Variants in CEP164 observed in about 807,000 individuals in gnomAD.
The protein encoded by CEP164 is centrosomal protein 164.
CEP164 carries 162 observed loss-of-function variants against 182.7 expected under a neutral mutation model. The observed-to-expected ratio is 0.89, with a 90% confidence interval of 0.78 to 1.01. The LOEUF (loss-of-function observed/expected upper bound fraction) is 1.01, where lower values mean the gene tolerates loss of function less well. CEP164 is among the 50% of genes least tolerant of loss of function. The probability of loss-of-function intolerance (pLI) is 0.00; values close to 1 mark genes in which losing one functional copy is unlikely to be tolerated. For missense variants in CEP164, 1,735 were observed against 1,790.4 expected (o/e 0.97, Z 0.56); for synonymous variants, 661 against 690.0 (o/e 0.96, Z 0.66).
rs767096820 is a variant in CEP164 at position 117,409,035 on chromosome 11, G to C, written c.3748+7G>C. On this transcript the variant is annotated splice_region_variant and intron_variant, in intron 29 of 32. Coordinates refer to ENST00000278935, the MANE Select transcript of CEP164 (RefSeq NM_014956.5). The surrounding 1 kb of genome is among the most constrained non-coding windows in gnomAD (Gnocchi z 4.4). Reference sequence around the variant, plus strand: ...TGGTGGCGGCAGCAGAGGAGTGAGTGGGGGAGATGCGGGGTGAGGACCATG... The same window carrying C: ...TGGTGGCGGCAGCAGAGGAGTGAGTCGGGGAGATGCGGGGTGAGGACCATG... 19 of 1,613,824 alleles carry C rather than the reference G, an allele frequency of 1.2e-5. No individual in the cohort carries two copies. Among genetic ancestry groups the C allele is most frequent in the Middle Eastern group, 1.6e-4 (1 of 6,082 alleles).
chr11:117,412,555 G>T lies in CEP164; in HGVS notation c.*387G>T. On this transcript the variant is annotated 3_prime_UTR_variant, in exon 33 of 33. Transcript: ENST00000278935. ...CAGCGCACTGCTCGGGGCTCCCAAG[G>T]AGGTTGTGTGTATGGTTCTTAATTC... 5.3e-6 allele frequency: 1 copy of T among 187,858 alleles called. No individual in the cohort carries two copies. The highest frequency in any genetic ancestry group is 1.1e-4 in the South Asian group (1 of 8,910). 11.6% of individuals were successfully genotyped at this position (187,858 alleles called of 1,614,324 possible).
chr11:117,362,040 T>C (rs779165404), intron 6 of CEP164, 47 bp downstream of exon 6: 1 of 1,497,200 alleles, frequency 6.7e-7, no homozygotes, highest in Non-Finnish European at 9.0e-7. Context: ...CTGTGGGGCC[T>C]CCCGTGTGCC....
intron 9 of CEP164, 48 bp downstream of exon 9, chr11:117,371,514 G>A: frequency 8.4e-6 from 13 of 1,552,544 alleles, no homozygotes; most frequent in Non-Finnish European, 1.1e-5. Context: ...GCCCTCTGCT[G>A]CTCTGTTCAG....
chr11:117,336,571 G>T, intron 2 of CEP164: 1 of 1,526,432 alleles, frequency 6.6e-7, no homozygotes, highest in Admixed American at 1.8e-5. Flanking sequence ...GGAACCTCCA[G>T]GGCACCCAGT....
chr11:117,396,211 G>A, intron 25 of CEP164, 31 bp downstream of exon 25: 2 of 1,472,736 alleles, frequency 1.4e-6, no homozygotes, highest in Non-Finnish European at 1.9e-6. Context: ...TGGGGGCTGG[G>A]GCACCAGGAT....
intron 5 of CEP164, chr11:117,354,859 A>G: frequency 1.7e-6 from 2 of 1,166,054 alleles, no homozygotes; most frequent in Non-Finnish European, 2.2e-6. Flanking sequence ...GGGCTTGCCC[A>G]GGGCTGAGGT....
chr11:117,382,775 T>C (rs763374210), intron 13 of CEP164, 21 bp from the exon 14 acceptor site: 1 of 1,612,638 alleles, frequency 6.2e-7, no homozygotes, highest in South Asian at 1.1e-5. Context: ...TTAACACAGT[T>C]GTTTCCTTAC....
chr11:117,337,414 G>A (rs953996562), intron 2 of CEP164, among the ~76,000 whole-genome samples: 2 of 150,036 alleles, frequency 1.3e-5, no homozygotes, highest in African/African-American at 4.9e-5. Context: ...GCTTCAATAT[G>A]TGTATTTTTC....
chr11:117,351,809 AT>A lies in CEP164; in HGVS notation c.217del (p.Tyr73ThrfsTer24). 6.2e-7 allele frequency: 1 copy of A among 1,612,592 alleles called. No individual in the cohort carries two copies. The highest frequency in any genetic ancestry group is 8.5e-7 in the Non-Finnish European group (1 of 1,179,812). The part of the protein sequence containing the change: ...WKPCQDITGD[I>X]YYFNFANGQS... ...CCCCAGCCAGGACATCACAGGTGAC[AT>A]TTACTATTTCAACTTCGCCAACGGG... On this transcript the variant is annotated frameshift_variant, in exon 5 of 33. Transcript: ENST00000278935. LOFTEE classifies it high-confidence loss of function.
chr11:117,401,551 G>A (rs1384406636), intron 27 of CEP164, among the ~76,000 whole-genome samples: 1 of 152,186 alleles, frequency 6.6e-6, no homozygotes, highest in East Asian at 1.9e-4. Context: ...AGAAGGAATG[G>A]TACCAACTCC....
chr11:117,367,302 G>C (rs1156400601), intron 8 of CEP164, among the ~76,000 whole-genome samples: 1 of 152,216 alleles, frequency 6.6e-6, no homozygotes, highest in Admixed American at 6.5e-5. Context: ...CCACCCTTGA[G>C]GTGCTGTCCT....
At chr11:117,401,564 T>G (rs2046141776) in intron 27 of CEP164, among the ~76,000 whole-genome samples, 1 of 152,236 alleles carries the variant, frequency 6.6e-6, no homozygotes, top group South Asian at 2.1e-4. Context: ...CCAACTCCTC[T>G]TTGTACCTCT....
chr11:117,390,979 A>C lies in CEP164; in HGVS notation c.2067-20A>C, dbSNP rs1297971397. ...CCCCAGGGTGCACAGGCCCGTTACC[A>C]TTCCACTGTGTCCACCCAGGGCTGA... On this transcript the variant is annotated intron_variant, in intron 16 of 32. Transcript: ENST00000278935. The C allele has an allele frequency of 6.2e-7, 1 of 1,613,850 alleles. No homozygotes were observed. The highest frequency in any genetic ancestry group is 2.2e-5 in the East Asian group (1 of 44,840).
Position 117,387,393 on chromosome 11 carries a change from C to G in CEP164, c.1915C>G (p.Gln639Glu). 2 of 1,614,138 alleles carry G rather than the reference C, an allele frequency of 1.2e-6. No homozygotes were observed. The highest frequency in any genetic ancestry group is 1.7e-6 in the Non-Finnish European group (2 of 1,180,024). ...EEEEILRLHQ[Q>E]KEQSLSSLRE... Reference sequence around the variant, plus strand: ...AGAGGAGATCCTCCGGCTTCACCAGCAGAAAGAGCAATCTCTCAGGTCCTG... The same window carrying G: ...AGAGGAGATCCTCCGGCTTCACCAGGAGAAAGAGCAATCTCTCAGGTCCTG... The change falls in exon 15 of 33, where the codon CAG becomes GAG. Residue 639 changes from glutamine (Q) to glutamate (E), a missense_variant. Physicochemically the swap from Gln to Glu is conservative, Grantham distance 29. Coordinates refer to ENST00000278935, the MANE Select transcript of CEP164 (RefSeq NM_014956.5).
rs950136264 is a variant in CEP164 at position 117,334,037 on chromosome 11, C to G, written c.-97-1568C>G. Among the ~76,000 whole-genome samples the G allele has an allele frequency of 3.9e-5, 6 of 152,194 alleles. 1 individual carries two copies. Among genetic ancestry groups the G allele is most frequent in the Non-Finnish European group, 8.8e-5 (6 of 68,040 alleles). On this transcript the variant is annotated intron_variant, in intron 1 of 32. Transcript: ENST00000278935. ...ATTCAGTTCTCAGTGTAGGCATCAT[C>G]TAAATCAGGCTTATTTCCTTCAGAG... is the stretch of plus-strand genomic sequence containing the variant.
At chr11:117,343,227 C>T (rs952624913) in intron 3 of CEP164, among the ~76,000 whole-genome samples, 4 of 152,216 alleles carry the variant, frequency 2.6e-5, no homozygotes, top group Admixed American at 2.0e-4. Flanking sequence ...AGGCAACTCC[C>T]TTAATGGAAG....
At chr11:117,346,736 C>A (rs751524435) in intron 4 of CEP164, among the ~76,000 whole-genome samples, 11 of 151,998 alleles carry the variant, frequency 7.2e-5, no homozygotes, top group Non-Finnish European at 1.5e-4. Context: ...TGATGACATG[C>A]ACCTTTAGTC....
intron 1 of CEP164, among the ~76,000 whole-genome samples, chr11:117,321,975 G>A (rs767631596): frequency 1.3e-5 from 2 of 152,148 alleles, no homozygotes; most frequent in Non-Finnish European, 2.9e-5. Flanking sequence ...TGGGATTACA[G>A]ATGTGAGCCA....
chr11:117,381,726 G>A lies in CEP164; in HGVS notation c.1435G>A (p.Glu479Lys). ...GTTATCTCCTCCACTTCCACACGAG[G>A]AGCGGGCCCAGAGTCCCCCTCGCAG... ...ERLSPPLPHE[E>K]RAQSPPRSLA... is the part of the protein sequence containing the mutation. Residue 479 changes from glutamate (E) to lysine (K), a missense_variant, in exon 13 of 33, where the codon GAG becomes AAG. Transcript: ENST00000278935. The A allele has an allele frequency of 6.2e-7, 1 of 1,610,348 alleles. No homozygotes were observed. Among genetic ancestry groups the A allele is most frequent in the Non-Finnish European group, 8.5e-7 (1 of 1,178,582 alleles).
Sources: gnomAD v4.1 joint callset for allele counts (sites outside exome capture counted in the v4.1 genomes callset) on GRCh38, gnomAD v4.1.1 for gene constraint, Gnocchi (gnomAD v3.1) non-coding constraint, MANE v1.5 for transcripts, NCBI Gene and HGNC (gene_info 2026-07-23, HGNC 2026-07-21) for gene names.